MSH3: variants seen among roughly 807,000 people sequenced by gnomAD.
The protein encoded by MSH3 is DNA mismatch repair protein Msh3.
MSH3 carries 106 observed loss-of-function variants against 123.3 expected under a neutral mutation model. That is an observed-to-expected ratio of 0.86 (90% CI 0.73 to 1.01). MSH3 has a LOEUF of 1.01. Among genes scored for constraint, MSH3 ranks in the 50% least tolerant of loss-of-function variants. MSH3 has a pLI of 0.00. For missense variants in MSH3, 1,459 were observed against 1,347.6 expected, an observed-to-expected ratio of 1.08 and a Z score of -1.29; for synonymous variants, 515 against 481.4, an observed-to-expected ratio of 1.07 and a Z score of -0.91.
intron 8 of MSH3, among the ~76,000 whole-genome samples, chr5:80,723,465 C>A (rs1751130976): frequency 6.6e-6 from 1 of 152,148 alleles, no homozygotes; most frequent in Non-Finnish European, 1.5e-5. Flanking sequence ...GTATTTATAA[C>A]TTCACACTAT....
At chr5:80,765,928 T>A (rs922612822) in intron 13 of MSH3, among the ~76,000 whole-genome samples, 17 of 152,340 alleles carry the variant, frequency 1.1e-4, no homozygotes, top group African/African-American at 4.1e-4. Context: ...CACATTTGAT[T>A]GGTAGTTTGG....
chr5:80,785,547 G>C (rs969082720), intron 17 of MSH3, among the ~76,000 whole-genome samples: 1 of 152,146 alleles, frequency 6.6e-6, no homozygotes, highest in Non-Finnish European at 1.5e-5. Context: ...AAGTCAGTGT[G>C]GCGATTCCTC....
At chr5:80,676,357 C>A (rs1749838419) in intron 7 of MSH3, among the ~76,000 whole-genome samples, 1 of 152,138 alleles carries the variant, frequency 6.6e-6, no homozygotes, top group Non-Finnish European at 1.5e-5. Flanking sequence ...GATTTTCTGG[C>A]AGTTTATGAA....
At chr5:80,674,843 G>C (rs1424510410) in intron 6 of MSH3, 140 bp from the exon 7 acceptor site, 1 of 730,240 alleles carries the variant, frequency 1.4e-6, no homozygotes, top group African/African-American at 1.8e-5. Flanking sequence ...GCCTCCTAAA[G>C]TGCTGGGATT....
chr5:80,702,961 G>A (rs1369346685), intron 8 of MSH3, among the ~76,000 whole-genome samples: 2 of 152,124 alleles, frequency 1.3e-5, no homozygotes, highest in African/African-American at 4.8e-5. Flanking sequence ...GCAGTGAGCC[G>A]AGATCATGCC....
At chr5:80,873,523 A>G (rs1746257919) in intron 23 of MSH3, among the ~76,000 whole-genome samples, 1 of 152,218 alleles carries the variant, frequency 6.6e-6, no homozygotes, top group Non-Finnish European at 1.5e-5. Context: ...CATTTTTATA[A>G]AGAATTAAGT....
chr5:80,751,410 C>T (rs1561466040), intron 12 of MSH3, among the ~76,000 whole-genome samples: 2 of 152,106 alleles, frequency 1.3e-5, no homozygotes, highest in Non-Finnish European at 1.5e-5. Context: ...TACAAACAAG[C>T]AATGGGGAAA....
At chr5:80,714,130 CTTTTT>C (rs34918629) in intron 8 of MSH3, among the ~76,000 whole-genome samples, 1 of 85,820 alleles carries the variant, frequency 1.2e-5, no homozygotes, top group Non-Finnish European at 2.2e-5. Context: ...TTCAAATAGA[CTTTTT>C]TTTTTTTTTT....
At chr5:80,846,217 G>A (rs1034305351) in intron 20 of MSH3, among the ~76,000 whole-genome samples, 2 of 152,238 alleles carry the variant, frequency 1.3e-5, no homozygotes, top group Middle Eastern at 3.4e-3. Context: ...CTTTGCCTGG[G>A]CATCACCAGC....
At chr5:80,721,535 T>C (rs1486412344) in intron 8 of MSH3, among the ~76,000 whole-genome samples, 1 of 152,224 alleles carries the variant, frequency 6.6e-6, no homozygotes, top group Non-Finnish European at 1.5e-5. Context: ...TTTCCGATTG[T>C]TAGAGTTCTG....
rs1296684763 is a variant in MSH3 at position 80,761,579 on chromosome 5, AGTTCT to A, written c.1798_1802del (p.Val600ProfsTer5). ...ATGCCCGGCTTGATGCTGTATCGGA[AGTTCT>A]CCATTCAGAATCTAGTGTGTTTGGT... On this transcript the variant is annotated frameshift_variant, in exon 13 of 24. Transcript: ENST00000265081. LOFTEE classifies it high-confidence loss of function. The A allele has an allele frequency of 6.2e-7, 1 of 1,613,986 alleles. No individual in the cohort carries two copies. Among genetic ancestry groups the A allele is most frequent in the African/African-American group, 1.3e-5 (1 of 74,896 alleles).
chr5:80,769,720 A>G (rs987092187), intron 15 of MSH3, among the ~76,000 whole-genome samples: 2 of 152,112 alleles, frequency 1.3e-5, no homozygotes, highest in African/African-American at 4.8e-5. Flanking sequence ...ATACCAAATT[A>G]GGAAACTTAT....
chr5:80,740,731 C>G lies in MSH3; in HGVS notation c.1569-733C>G, dbSNP rs374251664. On this transcript the variant is annotated intron_variant, in intron 10 of 23. Coordinates refer to ENST00000265081, the MANE Select transcript of MSH3 (RefSeq NM_002439.5). ...TTAGAATCTTTTTTTTTTTTTTTTG[C>G]CGAGGCGTAGTCTCACTCTGTTGCC... Among the ~76,000 whole-genome samples the G allele has an allele frequency of 1.2e-4, 13 of 112,938 alleles. No homozygotes were observed. The East Asian group carries it at 2.8e-3, about 24-fold the overall frequency. The allele number at this position is 112,938 out of a possible 152,430, so 74.1% of individuals were successfully genotyped here. A position where few individuals can be genotyped will look rare whatever the true frequency, so the allele number is the denominator to read the frequency against.
At chr5:80,782,178 T>C (rs567102648) in intron 17 of MSH3, among the ~76,000 whole-genome samples, 136 of 152,266 alleles carry the variant, frequency 8.9e-4, no homozygotes, top group African/African-American at 3.2e-3. Flanking sequence ...AGACTCAAAA[T>C]GTTAACTGAT....
chr5:80,869,843 C>CATATAT (rs1561505382), intron 22 of MSH3, among the ~76,000 whole-genome samples: 9 of 95,218 alleles, frequency 9.5e-5, no homozygotes, highest in South Asian at 2.9e-4. Context: ...CATATATATA[C>CATATAT]ACACACACAC....
At chr5:80,850,055 C>T (rs1745803331) in intron 20 of MSH3, among the ~76,000 whole-genome samples, 1 of 152,160 alleles carries the variant, frequency 6.6e-6, no homozygotes, top group African/African-American at 2.4e-5. Context: ...TCACCTCTCT[C>T]TAGTTCAAAG....
At chr5:80,753,016 A>G (rs999514249) in intron 12 of MSH3, among the ~76,000 whole-genome samples, 1 of 152,198 alleles carries the variant, frequency 6.6e-6, no homozygotes, top group Admixed American at 6.6e-5. Context: ...GAAAAGGGTT[A>G]GAGATACAGG....
chr5:80,733,286 G>A (rs1743443121), intron 10 of MSH3, among the ~76,000 whole-genome samples: 1 of 152,126 alleles, frequency 6.6e-6, no homozygotes, highest in Non-Finnish European at 1.5e-5. Flanking sequence ...GCAAGAGAAT[G>A]AAGTTGGACC....
intron 8 of MSH3, among the ~76,000 whole-genome samples, chr5:80,693,543 A>G (rs1223593415): frequency 6.8e-6 from 1 of 147,378 alleles, no homozygotes. Flanking sequence ...ATAAATATAT[A>G]TGCACATGTA....
Sources: gnomAD v4.1 joint callset for allele counts (sites outside exome capture counted in the v4.1 genomes callset) on GRCh38, gnomAD v4.1.1 for gene constraint, MANE v1.5 for transcripts, NCBI Gene and HGNC (gene_info 2026-07-23, HGNC 2026-07-21) for gene names.